Variants in FGGY observed in about 807,000 individuals in gnomAD.
FGGY encodes the protein FGGY carbohydrate kinase domain-containing protein.
A neutral mutation model predicts 71.3 loss-of-function variants in FGGY; 72 were observed. The observed-to-expected ratio is 1.01, with a 90% CI of 0.84 to 1.23. The LOEUF (loss-of-function observed/expected upper bound fraction) is 1.23. Among genes scored for constraint, FGGY ranks in the 50% most tolerant of loss-of-function variants. FGGY has a pLI of 0.00. For synonymous variants in FGGY, 251 were observed against 250.3 expected (o/e 1.00, Z -0.02); for missense variants, 668 against 682.3 (o/e 0.98, Z 0.23).
In FGGY at chr1:59,352,587, GA is replaced by G. The variant is rs1233553475; in HGVS notation, c.465+6190del. Reference sequence around the variant, plus strand: ...TGAGGAAATGATTCTCCAATTGGTAGATTCTTTGGGGGGAACCTGGGGGTTT... The same window carrying G: ...TGAGGAAATGATTCTCCAATTGGTAGTTCTTTGGGGGGAACCTGGGGGTTT... On this transcript the variant is annotated intron_variant, in intron 4 of 15. Coordinates refer to ENST00000303721, the MANE Select transcript of FGGY (RefSeq NM_018291.5). Among the ~76,000 whole-genome samples the G allele has an allele frequency of 2.6e-5, 4 of 151,762 alleles. No individual in the cohort carries two copies. The East Asian group carries it at 7.7e-4, about 29-fold the overall frequency.
In FGGY at chr1:59,369,595, G is replaced by T. The variant is rs977692724; in HGVS notation, c.466-9154G>T. The stretch of plus-strand genomic sequence containing the variant: ...AGCACGCAGCTGGAGATCTGAGAAG[G>T]GGCAGACTGCCTCCTCAAGTGGGTC... On this transcript the variant is annotated intron_variant, in intron 4 of 15. Coordinates refer to ENST00000303721, the MANE Select transcript of FGGY (RefSeq NM_018291.5). Among the ~76,000 whole-genome samples the T allele has an allele frequency of 3.9e-5, 6 of 152,180 alleles. No individual in the cohort carries two copies. In the East Asian group the frequency reaches 7.7e-4, roughly 20 times the overall value.
chr1:59,482,890 C>G (rs2093540165), intron 6 of FGGY, among the ~76,000 whole-genome samples: 1 of 152,218 alleles, frequency 6.6e-6, no homozygotes, highest in Non-Finnish European at 1.5e-5. Context: ...ATTTTCTACT[C>G]TGTGAACTGA....
intron 5 of FGGY, among the ~76,000 whole-genome samples, chr1:59,441,869 G>A (rs962283070): frequency 1.3e-5 from 2 of 152,106 alleles, no homozygotes; most frequent in South Asian, 4.1e-4. Flanking sequence ...ACATCTGGGG[G>A]CAGGATTATG....
intron 2 of FGGY, among the ~76,000 whole-genome samples, chr1:59,336,627 A>G (rs112365989): frequency 9.9e-5 from 15 of 152,132 alleles, no homozygotes; most frequent in East Asian, 9.7e-4. Context: ...TATTTGTCCA[A>G]TGCTCTCCCT....
At chr1:59,355,031 A>C (rs2054036512) in intron 4 of FGGY, among the ~76,000 whole-genome samples, 5 of 152,210 alleles carry the variant, frequency 3.3e-5, no homozygotes, top group Admixed American at 3.3e-4. Flanking sequence ...GAAGTGGGCA[A>C]AGGCTGCTGC....
chr1:59,562,386 G>A (rs925634526), intron 8 of FGGY, among the ~76,000 whole-genome samples: 1 of 152,162 alleles, frequency 6.6e-6, no homozygotes, highest in African/African-American at 2.4e-5. Context: ...AATTCTTCCA[G>A]GCAACTTGCA....
intron 6 of FGGY, among the ~76,000 whole-genome samples, chr1:59,510,974 A>G (rs1343986697): frequency 2.6e-5 from 4 of 152,234 alleles, no homozygotes; most frequent in African/African-American, 9.6e-5. Flanking sequence ...ATAAAACTAA[A>G]TAAAATGAAG....
chr1:59,613,384 C>T (rs1352621148), intron 9 of FGGY, among the ~76,000 whole-genome samples: 2 of 152,194 alleles, frequency 1.3e-5, no homozygotes, highest in Non-Finnish European at 2.9e-5. Context: ...GAACAACCTG[C>T]TCCTGAATGA....
rs72664551 is a variant in FGGY at position 59,411,048 on chromosome 1, T to C, written c.554+32211T>C. ...ATTCACATAATACTATTACTCAGTC[T>C]ACAGACTTTTTGCTAGTTTTGCCAG... On this transcript the variant is annotated intron_variant, in intron 5 of 15. Coordinates refer to ENST00000303721, the MANE Select transcript of FGGY (RefSeq NM_018291.5). Among the ~76,000 whole-genome samples, 990 of 152,354 alleles carry C rather than the reference T, an allele frequency of 6.5e-3. 2 individuals carry two copies. The highest frequency in any genetic ancestry group is 0.024 in the Middle Eastern group (7 of 294).
chr1:59,549,099 C>T (rs1306287288), intron 7 of FGGY, among the ~76,000 whole-genome samples: 1 of 152,174 alleles, frequency 6.6e-6, no homozygotes, highest in African/African-American at 2.4e-5. Context: ...GGTGTTAAGT[C>T]TTCTGCAGAG....
chr1:59,650,918 T>C (rs2097152315), intron 11 of FGGY, among the ~76,000 whole-genome samples: 1 of 150,910 alleles, frequency 6.6e-6, no homozygotes, highest in Non-Finnish European at 1.5e-5. Flanking sequence ...ACACACTGCT[T>C]TGAATGTGTC....
intron 6 of FGGY, among the ~76,000 whole-genome samples, chr1:59,459,398 A>G (rs990691160): frequency 2.0e-5 from 3 of 152,324 alleles, no homozygotes; most frequent in African/African-American, 7.2e-5. Context: ...AACATTCACA[A>G]AGTAAGGAAA....
intron 7 of FGGY, among the ~76,000 whole-genome samples, chr1:59,536,992 G>A (rs1363432060): frequency 6.6e-6 from 1 of 151,960 alleles, no homozygotes; most frequent in East Asian, 1.9e-4. Context: ...GGAAGTTCTG[G>A]CCAGGGCAAT....
intron 6 of FGGY, among the ~76,000 whole-genome samples, chr1:59,478,271 C>A (rs986246293): frequency 2.6e-5 from 4 of 152,124 alleles, no homozygotes; most frequent in Non-Finnish European, 5.9e-5. Context: ...TCGTGGGTAT[C>A]ATGTGGAGTA....
rs2097620662 is a variant in FGGY at position 59,693,800 on chromosome 1, A to C, written c.1512+19667A>C. 2.0e-5 allele frequency among the ~76,000 whole-genome samples: 3 copies of C among 152,156 alleles called. No individual in the cohort carries two copies. The South Asian group carries it at 6.2e-4, about 32-fold the overall frequency. ...GGCCAGTGAATCCCTTGAGCCTAGG[A>C]GTTTGAGACCAGCCTGGGCAACATG... is the stretch of plus-strand genomic sequence containing the variant. On this transcript the variant is annotated intron_variant, in intron 14 of 15. Coordinates refer to ENST00000303721, the MANE Select transcript of FGGY (RefSeq NM_018291.5).
intron 11 of FGGY, among the ~76,000 whole-genome samples, chr1:59,657,005 T>C (rs1165724242): frequency 1.3e-5 from 2 of 152,224 alleles, no homozygotes; most frequent in African/African-American, 4.8e-5. Context: ...GGGTCCGTGA[T>C]ATCTTTTTGC....
intron 2 of FGGY, among the ~76,000 whole-genome samples, chr1:59,329,708 C>A (rs1370919992): frequency 1.3e-5 from 2 of 152,200 alleles, no homozygotes; most frequent in Non-Finnish European, 2.9e-5. Context: ...ATCCTTCCTA[C>A]CTTCCACCAG....
intron 6 of FGGY, among the ~76,000 whole-genome samples, chr1:59,473,349 A>G (rs970425951): frequency 6.6e-6 from 1 of 152,096 alleles, no homozygotes; most frequent in Non-Finnish European, 1.5e-5. Flanking sequence ...AACCCACCAG[A>G]AGGAAGAAAC....
rs941760626 is a variant in FGGY, at chr1:59,602,531, A to G, written c.904-5272A>G. Among the ~76,000 whole-genome samples the G allele has an allele frequency of 3.3e-5, 5 of 152,172 alleles. No individual in the cohort carries two copies. The East Asian group carries it at 9.6e-4, about 29-fold the overall frequency. ...TTTTGAGAATCAGTAGGATCTGTTG[A>G]TGCAAAACTATACCCATCCTTCAAA... On this transcript the variant is annotated intron_variant, in intron 8 of 15. Coordinates refer to ENST00000303721, the MANE Select transcript of FGGY (RefSeq NM_018291.5).
Sources: gnomAD v4.1 joint callset for allele counts (sites outside exome capture counted in the v4.1 genomes callset) on GRCh38, gnomAD v4.1.1 for gene constraint, MANE v1.5 for transcripts, NCBI Gene and HGNC (gene_info 2026-07-23, HGNC 2026-07-21) for gene names.